TECTA: variants seen among roughly 807,000 people sequenced by gnomAD.
The protein encoded by TECTA is alpha-tectorin.
In TECTA, 128 loss-of-function variants were observed where a neutral mutation model predicts 216.8. That is an observed-to-expected ratio of 0.59 (90% confidence interval 0.51 to 0.68). The LOEUF (loss-of-function observed/expected upper bound fraction) is 0.68, where lower values mean the gene tolerates loss of function less well. Among genes scored for constraint, TECTA ranks in the 30% least tolerant of loss-of-function variants. The probability of loss-of-function intolerance (pLI) is 0.00; values close to 1 mark genes in which losing one functional copy is unlikely to be tolerated. For synonymous variants in TECTA, 1,089 were observed against 1,117.1 expected (o/e 0.97, Z 0.50); for missense variants, 2,551 against 2,786.2 (o/e 0.92, Z 1.90).
At chr11:121,102,866 C>A (rs746066900) in intron 2 of TECTA, 137 bp downstream of exon 2, 11 of 797,386 alleles carry the variant, frequency 1.4e-5, no homozygotes, top group Non-Finnish European at 1.9e-5. Flanking sequence ...TAATTAAATT[C>A]TATTATCAAG....
At chr11:121,172,781 T>C (rs1317493239) in intron 20 of TECTA, among the ~76,000 whole-genome samples, 1 of 152,146 alleles carries the variant, frequency 6.6e-6, no homozygotes, top group Non-Finnish European at 1.5e-5. Context: ...TCTGCAAGGG[T>C]TGAACTAGTT....
In TECTA at chr11:121,125,767, G is replaced by A. The variant is rs764014401; in HGVS notation, c.1669G>A (p.Val557Met). ...CAGCTGCGTGTATGACCTGTGCAGT[G>A]TGAGGGACAATGGCACGCTCCTCTG... Reference protein sequence around the residue: ...VHSCVYDLCSVRDNGTLLCQA... With the variant: ...VHSCVYDLCSMRDNGTLLCQA... The change falls in exon 8 of 24, where the codon GTG becomes ATG. Residue 557 changes from valine (V) to methionine (M), a missense_variant. By Grantham distance (21) the Val-to-Met change is conservative. Coordinates refer to ENST00000392793, the MANE Select transcript of TECTA (RefSeq NM_005422.4). 1.1e-5 allele frequency: 18 copies of A among 1,614,198 alleles called. No individual in the cohort carries two copies. The highest frequency in any genetic ancestry group is 1.4e-5 in the Non-Finnish European group (16 of 1,180,044).
chr11:121,129,571 C>T, intron 9 of TECTA, 67 bp from the exon 10 acceptor site: 2 of 1,547,978 alleles, frequency 1.3e-6, no homozygotes, highest in Non-Finnish European at 1.8e-6. Flanking sequence ...GTCTTTATCC[C>T]ACAGCCTAGG....
chr11:121,134,916 C>T (rs1425976187), intron 10 of TECTA, among the ~76,000 whole-genome samples: 1 of 152,198 alleles, frequency 6.6e-6, no homozygotes, highest in Non-Finnish European at 1.5e-5. Context: ...CTCACTATCC[C>T]TCATCTGGGC....
intron 22 of TECTA, among the ~76,000 whole-genome samples, chr11:121,189,412 C>T (rs528883185): frequency 2.0e-5 from 3 of 150,416 alleles, no homozygotes; most frequent in African/African-American, 4.9e-5. Context: ...CTTTCTCTGT[C>T]GCCCAAGCTG....
Position 121,145,689 on chromosome 11 carries a change from C to T in TECTA, c.3678C>T (p.Ser1226=). The T allele has an allele frequency of 6.2e-7, 1 of 1,614,226 alleles. No individual in the cohort carries two copies. Among genetic ancestry groups the T allele is most frequent in the South Asian group, 1.1e-5 (1 of 91,084 alleles). ...TATATGACTGGAAGACCTTCCTGTC[C>T]ATCACAGTCCCTCGGAGCATGCAGA... ...KVVYDWKTFL[S]ITVPRSMQNS... Residue 1226 remains serine (S), a synonymous_variant, in exon 12 of 24, where the codon TCC becomes TCT. Coordinates refer to ENST00000392793, the MANE Select transcript of TECTA (RefSeq NM_005422.4).
At chr11:121,121,101 C>A (rs962575737) in intron 7 of TECTA, among the ~76,000 whole-genome samples, 2 of 152,248 alleles carry the variant, frequency 1.3e-5, no homozygotes, top group South Asian at 4.1e-4. Context: ...TTGCAAGTCA[C>A]ACCAGCCCCC....
chr11:121,172,493 C>T (rs1444865538), intron 20 of TECTA, among the ~76,000 whole-genome samples: 1 of 152,162 alleles, frequency 6.6e-6, no homozygotes, highest in African/African-American at 2.4e-5. Flanking sequence ...CCAATTTCAT[C>T]CATGTCCCTA....
intron 10 of TECTA, among the ~76,000 whole-genome samples, chr11:121,134,709 C>G (rs1946709111): frequency 6.6e-6 from 1 of 152,196 alleles, no homozygotes; most frequent in South Asian, 2.1e-4. Flanking sequence ...CGAGTCTCCC[C>G]TATACCAAAT....
intron 7 of TECTA, among the ~76,000 whole-genome samples, chr11:121,119,120 T>G (rs1325346330): frequency 2.0e-5 from 3 of 151,990 alleles, no homozygotes; most frequent in Admixed American, 1.3e-4. Flanking sequence ...GCCCTGGAGA[T>G]GGTACAAACA....
intron 1 of TECTA, 145 bp from the exon 2 acceptor site, chr11:121,102,520 C>T: frequency 1.5e-6 from 1 of 685,506 alleles, no homozygotes; most frequent in Non-Finnish European, 2.6e-6. Flanking sequence ...GGGATTTCAG[C>T]CCGACTCAGC....
At chr11:121,163,854 A>G (rs1334989375) in intron 16 of TECTA, among the ~76,000 whole-genome samples, 1 of 152,346 alleles carries the variant, frequency 6.6e-6, no homozygotes, top group Non-Finnish European at 1.5e-5. Context: ...GAGGTGGTGA[A>G]TCATAACTTT....
chr11:121,154,373 A>G (rs1182513512), intron 13 of TECTA, among the ~76,000 whole-genome samples: 1 of 152,242 alleles, frequency 6.6e-6, no homozygotes, highest in African/African-American at 2.4e-5. Context: ...AGTGAAACTA[A>G]TCAAAGGAGA....
intron 20 of TECTA, among the ~76,000 whole-genome samples, chr11:121,184,463 AT>A (rs1372919208): frequency 1.3e-5 from 2 of 152,182 alleles, no homozygotes; most frequent in Admixed American, 6.5e-5. Context: ...GTTATGCACC[AT>A]TGCATTTGCC....
Position 121,129,772 on chromosome 11 carries a change from C to G in TECTA, c.2502C>G (p.Tyr834Ter). Residue 834 changes from tyrosine (Y) to a stop codon, truncating the protein, a stop_gained, in exon 10 of 24, where the codon TAC (tyrosine) becomes TAG (stop). Coordinates refer to ENST00000392793, the MANE Select transcript of TECTA (RefSeq NM_005422.4). LOFTEE classifies it high-confidence loss of function. ...TVQYSDIGLL[Y>*]IRLSTTYFNC... ...AGTACTCAGACATAGGTCTATTGTA[C>G]ATCCGGCTGTCCACCACATACTTCA... 6.2e-7 allele frequency: 1 copy of G among 1,614,224 alleles called. No individual in the cohort carries two copies. Among genetic ancestry groups the G allele is most frequent in the Non-Finnish European group, 8.5e-7 (1 of 1,180,044 alleles).
intron 21 of TECTA, among the ~76,000 whole-genome samples, chr11:121,188,607 C>G (rs1025963375): frequency 6.6e-6 from 1 of 152,196 alleles, no homozygotes; most frequent in African/African-American, 2.4e-5. Context: ...GCTTCCACCT[C>G]CACCACTTAC....
chr11:121,188,474 T>C lies in TECTA; in HGVS notation c.6162+480T>C, dbSNP rs145182142. On this transcript the variant is annotated intron_variant, in intron 21 of 23. Transcript: ENST00000392793. ...CACTGGGCCAAGTTCCACTCCACTA[T>C]AGAACCAAACTCTTGAGCTCAGGAT... Among the ~76,000 whole-genome samples the C allele has an allele frequency of 5.7e-3, 874 of 152,272 alleles. 6 individuals are homozygous for C. Among genetic ancestry groups the C allele is most frequent in the Middle Eastern group, 0.045 (13 of 292 alleles).
chr11:121,154,323 A>C (rs1946921077), intron 13 of TECTA, among the ~76,000 whole-genome samples: 1 of 152,226 alleles, frequency 6.6e-6, no homozygotes, highest in East Asian at 1.9e-4. Flanking sequence ...AATTTATTTA[A>C]ATGCTATATT....
chr11:121,184,276 T>C (rs535459201), intron 20 of TECTA, among the ~76,000 whole-genome samples: 38 of 152,236 alleles, frequency 2.5e-4, no homozygotes, highest in Non-Finnish European at 4.6e-4. Context: ...CCTCTTGCTT[T>C]ATCCCTTGTC....
Sources: allele counts gnomAD v4.1 joint callset (sites outside exome capture counted in the v4.1 genomes callset), GRCh38; gene constraint gnomAD v4.1.1; transcripts MANE v1.5; gene names NCBI Gene and HGNC (gene_info 2026-07-23, HGNC 2026-07-21).